Variants in CFAP299 observed in about 807,000 individuals in gnomAD.
CFAP299 encodes cilia and flagella associated protein 299, also known as cilia- and flagella-associated protein 299.
CFAP299 carries 21 observed loss-of-function variants against 27.0 expected under a neutral mutation model. That is an observed-to-expected ratio of 0.78 (90% CI 0.55 to 1.12). The LOEUF (loss-of-function observed/expected upper bound fraction) is 1.12, where lower values mean the gene tolerates loss of function less well. Among genes scored for constraint, CFAP299 ranks in the 50% most tolerant of loss-of-function variants. The pLI, the probability that CFAP299 is intolerant of heterozygous loss-of-function variation, is 0.00. For missense variants in CFAP299, 310 were observed against 276.6 expected, an observed-to-expected ratio of 1.12 and a Z score of -0.86; for synonymous variants, 104 against 98.1, an observed-to-expected ratio of 1.06 and a Z score of -0.36.
chr4:80,504,492 TATATATATATATA>T (rs1560598342), intron 2 of CFAP299, among the ~76,000 whole-genome samples: 17 of 130,852 alleles, frequency 1.3e-4, no homozygotes, highest in Non-Finnish European at 2.7e-4. Flanking sequence ...TATATATATA[TATATATATATATA>T]TTTTCCTTTG....
At chr4:80,728,128 C>G (rs1016661322) in intron 3 of CFAP299, among the ~76,000 whole-genome samples, 13 of 143,970 alleles carry the variant, frequency 9.0e-5, no homozygotes, top group Non-Finnish European at 4.5e-5. Context: ...AGAAATGATC[C>G]TCAGTATTTC....
chr4:80,546,951 T>C (rs1006243154), intron 2 of CFAP299, among the ~76,000 whole-genome samples: 41 of 152,208 alleles, frequency 2.7e-4, no homozygotes, highest in Admixed American at 2.6e-3. Flanking sequence ...ATGGCCATAT[T>C]GTCTGGAGCA....
At chr4:80,824,894 C>A (rs913340601) in intron 3 of CFAP299, among the ~76,000 whole-genome samples, 35 of 151,978 alleles carry the variant, frequency 2.3e-4, no homozygotes, top group African/African-American at 7.5e-4. Flanking sequence ...CAAAGTATAG[C>A]CCATTCAAAG....
At chr4:80,687,262 G>A (rs189344995) in intron 3 of CFAP299, among the ~76,000 whole-genome samples, 12 of 152,016 alleles carry the variant, frequency 7.9e-5, no homozygotes, top group African/African-American at 2.7e-4. Flanking sequence ...TCACACTCCC[G>A]TGTCACACCC....
At chr4:80,392,168 T>G (rs761823416) in intron 2 of CFAP299, among the ~76,000 whole-genome samples, 2 of 152,186 alleles carry the variant, frequency 1.3e-5, no homozygotes, top group Non-Finnish European at 2.9e-5. Flanking sequence ...TGCCTTTACC[T>G]CCATTGTATC....
At chr4:80,780,471 T>A (rs1336074760) in intron 3 of CFAP299, among the ~76,000 whole-genome samples, 1 of 152,094 alleles carries the variant, frequency 6.6e-6, no homozygotes, top group African/African-American at 2.4e-5. Context: ...TTTTGCTGAA[T>A]GAATTACTAA....
chr4:80,953,588 C>T, intron 5 of CFAP299, among the ~76,000 whole-genome samples: 1 of 152,064 alleles, frequency 6.6e-6, no homozygotes, highest in East Asian at 1.9e-4. Context: ...TCATGTCCTC[C>T]ACTTGACCTG....
intron 2 of CFAP299, among the ~76,000 whole-genome samples, chr4:80,564,792 AG>A (rs995550241): frequency 4.7e-4 from 72 of 152,048 alleles, no homozygotes; most frequent in African/African-American, 1.4e-3. Flanking sequence ...CCAAAAAAAA[AG>A]CAAACAATTC....
chr4:80,595,672 G>A (rs567918966), intron 3 of CFAP299, among the ~76,000 whole-genome samples: 2 of 152,310 alleles, frequency 1.3e-5, no homozygotes, highest in African/African-American at 4.8e-5. Context: ...AGTTTAACAA[G>A]TTGCTGTTGT....
At chr4:80,399,009 C>T (rs1399594297) in intron 2 of CFAP299, among the ~76,000 whole-genome samples, 3 of 150,214 alleles carry the variant, frequency 2.0e-5, no homozygotes, top group African/African-American at 7.3e-5. Context: ...AAACAAACAA[C>T]TCCATCAAAA....
At chr4:80,853,532 T>G (rs991900762) in intron 3 of CFAP299, among the ~76,000 whole-genome samples, 3 of 152,184 alleles carry the variant, frequency 2.0e-5, no homozygotes, top group Non-Finnish European at 4.4e-5. Context: ...GATTTTTAGA[T>G]AGCTGAGGAA....
chr4:80,837,812 T>C (rs1216325187), intron 3 of CFAP299, among the ~76,000 whole-genome samples: 2 of 152,088 alleles, frequency 1.3e-5, no homozygotes, highest in African/African-American at 2.4e-5. Flanking sequence ...GGTCAAATGG[T>C]ATTTCTGGTT....
chr4:80,565,609 T>C (rs1489439227), intron 2 of CFAP299, among the ~76,000 whole-genome samples: 4 of 152,004 alleles, frequency 2.6e-5, no homozygotes, highest in Non-Finnish European at 4.4e-5. Context: ...ATCTTAAACA[T>C]TGAAAAATAA....
chr4:80,473,628 T>C (rs1042075125), intron 2 of CFAP299, among the ~76,000 whole-genome samples: 1 of 152,100 alleles, frequency 6.6e-6, no homozygotes, highest in Admixed American at 6.6e-5. Context: ...TGGAGTACAG[T>C]GGTGCGATCA....
intron 1 of CFAP299, among the ~76,000 whole-genome samples, chr4:80,343,009 A>C (rs1722529860): frequency 6.6e-6 from 1 of 152,220 alleles, no homozygotes; most frequent in African/African-American, 2.4e-5. Context: ...AAACAGAAAA[A>C]AGCAGGGGTT....
At chr4:80,685,865 G>A (rs1015950257) in intron 3 of CFAP299, among the ~76,000 whole-genome samples, 5 of 152,034 alleles carry the variant, frequency 3.3e-5, no homozygotes, top group African/African-American at 1.2e-4. Flanking sequence ...TTGGACACTG[G>A]GAAAGGCCAA....
intron 2 of CFAP299, among the ~76,000 whole-genome samples, chr4:80,401,684 G>T (rs1726167770): frequency 1.3e-5 from 2 of 152,208 alleles, no homozygotes; most frequent in African/African-American, 4.8e-5. Flanking sequence ...TGTGGGGTCA[G>T]AGCCCTCCCC....
At chr4:80,349,345 A>G (rs569800672) in intron 1 of CFAP299, among the ~76,000 whole-genome samples, 1 of 152,226 alleles carries the variant, frequency 6.6e-6, no homozygotes, top group Non-Finnish European at 1.5e-5. Flanking sequence ...CAGCTTAGAT[A>G]ATTTGATGCA....
At chr4:80,802,022 A>T (rs1728638762) in intron 3 of CFAP299, among the ~76,000 whole-genome samples, 1 of 152,128 alleles carries the variant, frequency 6.6e-6, no homozygotes, top group African/African-American at 2.4e-5. Context: ...GGAAGTCACT[A>T]ATTGGCATAA....
Sources: gnomAD v4.1 joint callset for allele counts (sites outside exome capture counted in the v4.1 genomes callset) on GRCh38, gnomAD v4.1.1 for gene constraint, MANE v1.5 for transcripts, NCBI Gene and HGNC (gene_info 2026-07-23, HGNC 2026-07-21) for gene names.